VWC2: variants seen among roughly 807,000 people sequenced by gnomAD.
VWC2 encodes brorin.
In VWC2, 14 loss-of-function variants were observed where a neutral mutation model predicts 29.8. The observed-to-expected ratio is 0.47, with a 90% CI of 0.31 to 0.74. The LOEUF (loss-of-function observed/expected upper bound fraction) is 0.74, where lower values mean the gene tolerates loss of function less well. Ranked by LOEUF, VWC2 falls within the 30% of genes least tolerant of loss-of-function variation. The pLI is 0.05. For missense variants in VWC2, 457 were observed against 459.8 expected (o/e 0.99, Z 0.05); for synonymous variants, 213 against 199.0 (o/e 1.07, Z -0.59).
At chr7:49,854,672 A>C (rs1039414049) in intron 3 of VWC2, among the ~76,000 whole-genome samples, 1 of 152,046 alleles carries the variant, frequency 6.6e-6, no homozygotes, top group African/African-American at 2.4e-5. Flanking sequence ...TTGCCTGTTC[A>C]CTCTGATGGT....
chr7:49,857,009 C>CAAAAAAAAAAAAAAAAAAA (rs59910243), intron 3 of VWC2, among the ~76,000 whole-genome samples: 3 of 52,786 alleles, frequency 5.7e-5, no homozygotes, highest in Admixed American at 7.7e-4. Context: ...GATACTGTCT[C>CAAAAAAAAAAAAAAAAAAA]AAAAAAAAAA....
intron 2 of VWC2, among the ~76,000 whole-genome samples, chr7:49,788,002 TCTC>T (rs1449246857): frequency 3.9e-5 from 6 of 152,154 alleles, no homozygotes; most frequent in African/African-American, 1.4e-4. Flanking sequence ...TGCTGTGTCT[TCTC>T]CACCAGAGCT....
intron 3 of VWC2, among the ~76,000 whole-genome samples, chr7:49,879,751 T>A (rs1689245755): frequency 6.7e-6 from 1 of 150,352 alleles, no homozygotes; most frequent in Admixed American, 6.6e-5. Context: ...GTTATTTTTT[T>A]AAATAGGCCC....
chr7:49,852,848 C>T (rs575523374), intron 3 of VWC2, among the ~76,000 whole-genome samples: 10 of 152,334 alleles, frequency 6.6e-5, no homozygotes, highest in African/African-American at 1.7e-4. Flanking sequence ...TAGTGACTGG[C>T]TCCTTGAACT....
chr7:49,892,047 T>G (rs1792157478), intron 3 of VWC2, among the ~76,000 whole-genome samples: 1 of 128,404 alleles, frequency 7.8e-6, no homozygotes, highest in African/African-American at 2.9e-5. Context: ...TTTTTTTTTT[T>G]TTTTTTTTTT....
At chr7:49,862,355 C>T (rs1393557887) in intron 3 of VWC2, among the ~76,000 whole-genome samples, 1 of 151,956 alleles carries the variant, frequency 6.6e-6, no homozygotes, top group East Asian at 1.9e-4. Flanking sequence ...AATTATTAGC[C>T]CTAGTATCTT....
chr7:49,851,413 T>C (rs1790173762), intron 3 of VWC2, among the ~76,000 whole-genome samples: 1 of 152,230 alleles, frequency 6.6e-6, no homozygotes, highest in Non-Finnish European at 1.5e-5. Context: ...GCCTGGCTCA[T>C]AGCAGACGGG....
intron 3 of VWC2, among the ~76,000 whole-genome samples, chr7:49,874,753 A>G (rs1238990658): frequency 6.6e-6 from 1 of 152,166 alleles, no homozygotes; most frequent in African/African-American, 2.4e-5. Flanking sequence ...CACCTTTGCT[A>G]TAGGACTGTG....
intron 3 of VWC2, among the ~76,000 whole-genome samples, chr7:49,868,281 C>T (rs941660027): frequency 6.6e-6 from 1 of 152,138 alleles, no homozygotes; most frequent in Non-Finnish European, 1.5e-5. Flanking sequence ...AGGAAATATA[C>T]GCTGTTTCTT....
chr7:49,854,144 T>C (rs1298583756), intron 3 of VWC2, among the ~76,000 whole-genome samples: 2 of 152,156 alleles, frequency 1.3e-5, no homozygotes, highest in Non-Finnish European at 2.9e-5. Context: ...TTCCAAGTCT[T>C]TGCTATTGTG....
chr7:49,846,555 C>A (rs1277197652), intron 3 of VWC2, among the ~76,000 whole-genome samples: 1 of 152,196 alleles, frequency 6.6e-6, no homozygotes, highest in Non-Finnish European at 1.5e-5. Flanking sequence ...CAAGGCTTAT[C>A]ACTGTAGAAA....
chr7:49,877,481 A>AAAAAATATACATAT, intron 3 of VWC2, among the ~76,000 whole-genome samples: 145 of 12,730 alleles, frequency 0.011, 45 homozygotes, highest in Non-Finnish European at 0.017. Flanking sequence ...AAAAAAAAAA[A>AAAAAATATACATAT]ATATATATAT....
At chr7:49,800,332 T>A (rs1192624771) in intron 2 of VWC2, among the ~76,000 whole-genome samples, 2 of 152,180 alleles carry the variant, frequency 1.3e-5, no homozygotes, top group Non-Finnish European at 2.9e-5. Context: ...TTATCTCTGG[T>A]CCTGCTGTAT....
chr7:49,907,369 C>T (rs1793160679), intron 3 of VWC2, among the ~76,000 whole-genome samples: 1 of 152,020 alleles, frequency 6.6e-6, no homozygotes. Flanking sequence ...GACTTTTGAG[C>T]AAAATATGCT....
intron 3 of VWC2, among the ~76,000 whole-genome samples, chr7:49,832,529 A>G (rs1328130279): frequency 6.6e-6 from 1 of 152,194 alleles, no homozygotes; most frequent in Non-Finnish European, 1.5e-5. Context: ...TGGTCATTTG[A>G]AAGTTACTTT....
At chr7:49,905,031 G>A (rs1484937245) in intron 3 of VWC2, among the ~76,000 whole-genome samples, 1 of 152,174 alleles carries the variant, frequency 6.6e-6, no homozygotes, top group East Asian at 1.9e-4. Flanking sequence ...ATCGTGCCAG[G>A]CCATCATGTA....
At chr7:49,862,839 A>G (rs556754657) in intron 3 of VWC2, among the ~76,000 whole-genome samples, 149 of 152,206 alleles carry the variant, frequency 9.8e-4, no homozygotes, top group Non-Finnish European at 1.9e-3. Flanking sequence ...ATGATGTATA[A>G]TCCTTTTAAT....
chr7:49,878,443 G>A (rs1160158382), intron 3 of VWC2, among the ~76,000 whole-genome samples: 1 of 152,070 alleles, frequency 6.6e-6, no homozygotes, highest in Non-Finnish European at 1.5e-5. Context: ...GAAACTGTCT[G>A]TATTTTCCTT....
intron 3 of VWC2, among the ~76,000 whole-genome samples, chr7:49,910,323 T>G (rs1174538603): frequency 2.0e-5 from 3 of 152,244 alleles, no homozygotes; most frequent in Admixed American, 2.0e-4. Context: ...ATTAATTTAT[T>G]TTTTAAAATT....
Sources: gnomAD v4.1 joint callset for allele counts (sites outside exome capture counted in the v4.1 genomes callset) on GRCh38, gnomAD v4.1.1 for gene constraint, MANE v1.5 for transcripts, NCBI Gene and HGNC (gene_info 2026-07-23, HGNC 2026-07-21) for gene names.